ENOX1: variants seen among roughly 807,000 people sequenced by gnomAD.
ENOX1 encodes candidate growth-related and time keeping constitutive hydroquinone (NADH) oxidase.
Under a neutral mutation model 82.5 loss-of-function variants are expected in ENOX1, and 42 were observed. The ratio of observed to expected loss-of-function variants is 0.51; its 90% CI spans 0.40 to 0.66. The LOEUF is 0.66. Ranked by LOEUF, ENOX1 falls within the 30% of genes least tolerant of loss-of-function variation. The pLI, the probability that ENOX1 is intolerant of heterozygous loss-of-function variation, is 0.00. For missense variants in ENOX1, 608 were observed against 811.6 expected (o/e 0.75, Z 3.05); for synonymous variants, 271 against 282.2 (o/e 0.96, Z 0.40).
At chr13:43,390,497 T>C (rs1175671355) in intron 5 of ENOX1, among the ~76,000 whole-genome samples, 1 of 152,204 alleles carries the variant, frequency 6.6e-6, no homozygotes, top group Non-Finnish European at 1.5e-5. Flanking sequence ...CTTGGTGGCT[T>C]ATGATAATAC....
chr13:43,514,217 T>C (rs2077476051), intron 2 of ENOX1, among the ~76,000 whole-genome samples: 1 of 152,208 alleles, frequency 6.6e-6, no homozygotes. Flanking sequence ...GTTTTACATA[T>C]CTTTAATGTG....
chr13:43,553,249 T>C (rs2079283692), intron 2 of ENOX1, among the ~76,000 whole-genome samples: 1 of 152,228 alleles, frequency 6.6e-6, no homozygotes, highest in South Asian at 2.1e-4. Flanking sequence ...AATTCATATG[T>C]GCTGAATTGG....
At chr13:43,292,896 C>T (rs2046082042) in intron 12 of ENOX1, among the ~76,000 whole-genome samples, 1 of 152,044 alleles carries the variant, frequency 6.6e-6, no homozygotes. Context: ...CCTTTAACAC[C>T]ATCCTCACCA....
intron 2 of ENOX1, among the ~76,000 whole-genome samples, chr13:43,599,264 G>A (rs9533543): frequency 0.42 from 64,175 of 151,780 alleles, 16,146 homozygotes; most frequent in East Asian, 0.79. Context: ...CACTGAAGAG[G>A]ATATAAAAGA....
At chr13:43,613,004 T>C (rs1346312447) in intron 2 of ENOX1, among the ~76,000 whole-genome samples, 1 of 152,174 alleles carries the variant, frequency 6.6e-6, no homozygotes, top group African/African-American at 2.4e-5. Context: ...TTTGAAGAGA[T>C]GCATGTTTAT....
intron 1 of ENOX1, among the ~76,000 whole-genome samples, chr13:43,728,928 T>C (rs1381184332): frequency 6.6e-6 from 1 of 152,190 alleles, no homozygotes; most frequent in East Asian, 1.9e-4. Flanking sequence ...TCTGACTGAC[T>C]GGGAAAGAAA....
intron 16 of ENOX1, among the ~76,000 whole-genome samples, chr13:43,219,814 C>T (rs559277145): frequency 3.3e-5 from 5 of 152,342 alleles, no homozygotes; most frequent in African/African-American, 7.2e-5. Flanking sequence ...CTCCATACCC[C>T]GTATCATCAG....
chr13:43,728,459 CA>C (rs1320020404), intron 1 of ENOX1, among the ~76,000 whole-genome samples: 1 of 152,092 alleles, frequency 6.6e-6, no homozygotes, highest in Non-Finnish European at 1.5e-5. Context: ...CATCTAAGTC[CA>C]CCACAGTACT....
chr13:43,444,432 G>A (rs759890396), intron 3 of ENOX1, among the ~76,000 whole-genome samples: 1 of 152,158 alleles, frequency 6.6e-6, no homozygotes, highest in Non-Finnish European at 1.5e-5. Flanking sequence ...GAAAAGCAAG[G>A]TCCCCTGGGT....
chr13:43,721,815 G>T (rs1475981289), intron 1 of ENOX1, among the ~76,000 whole-genome samples: 1 of 152,124 alleles, frequency 6.6e-6, no homozygotes, highest in Non-Finnish European at 1.5e-5. Flanking sequence ...CAGGGACTCT[G>T]CTTCATGCAT....
At chr13:43,417,019 G>C (rs1042499930) in intron 3 of ENOX1, among the ~76,000 whole-genome samples, 1 of 152,204 alleles carries the variant, frequency 6.6e-6, no homozygotes, top group Non-Finnish European at 1.5e-5. Context: ...GACCAGCCCG[G>C]TCAACAGGGT....
rs926518000 is a variant in ENOX1, at chr13:43,248,110, C to A, written c.1612-11372G>T. ...CCGTGTTAGCCGGGATGGTCTCGAT[C>A]TCCTGACCTCGTGATCCGCCCGCCT... On this transcript the variant is annotated intron_variant, in intron 14 of 16. Transcript: ENST00000690772. 2.0e-5 allele frequency among the ~76,000 whole-genome samples: 3 copies of A among 150,840 alleles called. No individual in the cohort carries two copies. In the East Asian group the frequency reaches 5.9e-4, roughly 30 times the overall value.
chr13:43,640,600 A>C (rs1447015843), intron 2 of ENOX1, among the ~76,000 whole-genome samples: 1 of 152,032 alleles, frequency 6.6e-6, no homozygotes, highest in Non-Finnish European at 1.5e-5. Flanking sequence ...GCACCAATCA[A>C]CTCAAATTTT....
intron 2 of ENOX1, among the ~76,000 whole-genome samples, chr13:43,515,828 C>G (rs1236365078): frequency 6.6e-6 from 1 of 152,186 alleles, no homozygotes; most frequent in Non-Finnish European, 1.5e-5. Flanking sequence ...GCTCCATACT[C>G]CAATGCCTTC....
intron 3 of ENOX1, among the ~76,000 whole-genome samples, chr13:43,439,637 A>G (rs931320682): frequency 6.7e-6 from 1 of 149,368 alleles, no homozygotes; most frequent in East Asian, 1.9e-4. Flanking sequence ...TACATTATTG[A>G]TGAACATCCC....
intron 2 of ENOX1, among the ~76,000 whole-genome samples, chr13:43,636,985 C>A (rs1187311288): frequency 1.3e-5 from 2 of 152,166 alleles, no homozygotes; most frequent in Non-Finnish European, 2.9e-5. Flanking sequence ...AATCAAGTTA[C>A]AACTCTTTGG....
intron 14 of ENOX1, among the ~76,000 whole-genome samples, chr13:43,246,782 C>T (rs945544108): frequency 2.0e-5 from 3 of 152,048 alleles, no homozygotes; most frequent in African/African-American, 7.2e-5. Flanking sequence ...AAGGAGGCCC[C>T]AGGTGCTTCT....
chr13:43,775,301 A>G (rs908160968), intron 1 of ENOX1, among the ~76,000 whole-genome samples: 1 of 151,968 alleles, frequency 6.6e-6, no homozygotes, highest in Non-Finnish European at 1.5e-5. Flanking sequence ...ACAGGTGTGC[A>G]TCCCTAATAT....
chr13:43,488,664 A>C (rs1396192565), intron 2 of ENOX1, among the ~76,000 whole-genome samples: 1 of 152,208 alleles, frequency 6.6e-6, no homozygotes, highest in African/African-American at 2.4e-5. Context: ...ATTAAGGGCA[A>C]TTGTGGTGAG....
Sources: gnomAD v4.1 joint callset for allele counts (sites outside exome capture counted in the v4.1 genomes callset) on GRCh38, gnomAD v4.1.1 for gene constraint, MANE v1.5 for transcripts, NCBI Gene and HGNC (gene_info 2026-07-23, HGNC 2026-07-21) for gene names.